The following TOMM40L variants were observed in gnomAD, a reference collection of about 807,000 sequenced individuals.
TOMM40L encodes the protein mitochondrial import receptor subunit TOM40B.
In TOMM40L, 17 loss-of-function variants were observed where a neutral mutation model predicts 38.3. The observed-to-expected ratio is 0.44, with a 90% CI of 0.30 to 0.67. The LOEUF is 0.67. TOMM40L is among the 30% of genes least tolerant of loss of function. The pLI, the probability that TOMM40L is intolerant of heterozygous loss-of-function variation, is 0.08. For synonymous variants in TOMM40L, 151 were observed against 150.2 expected (o/e 1.01, Z -0.04); for missense variants, 294 against 390.0 (o/e 0.75, Z 2.07).
In TOMM40L at chr1:161,229,892, C is replaced by T; in HGVS notation, c.*797C>T. On this transcript the variant is annotated 3_prime_UTR_variant, in exon 10 of 10. Transcript: ENST00000367988. ...TAGGCCTCATTAATGCTCCGGAGCTCAGCCAGCAGGCCTAGCAACTTCGCA... is the reference window on the plus strand; with the variant it reads ...TAGGCCTCATTAATGCTCCGGAGCTTAGCCAGCAGGCCTAGCAACTTCGCA... 1.2e-6 allele frequency: 2 copies of T among 1,614,166 alleles called. No homozygotes were observed.
At position 161,226,837 on chromosome 1, in the gene TOMM40L, G is replaced by T. The variant is rs762206608; in HGVS notation, c.116-51G>T. On this transcript the variant is annotated intron_variant, in intron 2 of 9. Transcript: ENST00000367988. ...TTGAAAGGGGAGACTATCTTTTGGG[G>T]TAGGGGTTCTTTGTCTGTGCTTATT... is the stretch of plus-strand genomic sequence containing the variant. The T allele has an allele frequency of 3.8e-6, 6 of 1,595,304 alleles. No homozygotes were observed. The Admixed American group carries it at 8.5e-5, about 22-fold the overall frequency.
At position 161,229,964 on chromosome 1, in the gene TOMM40L, G is replaced by C. The variant is rs756185699; in HGVS notation, c.*869G>C. On this transcript the variant is annotated 3_prime_UTR_variant, in exon 10 of 10. Transcript: ENST00000367988. ...TAGTGGGGTTGCCAGGAAAACAGGA[G>C]GGAAATAAGGCAGTTGGGAGTCTTG... 1 of 1,612,808 alleles carries C rather than the reference G, an allele frequency of 6.2e-7. No individual in the cohort carries two copies. The highest frequency in any genetic ancestry group is 8.5e-7 in the Non-Finnish European group (1 of 1,179,348).
At chr1:161,228,860 G>A (rs1363016925) in intron 9 of TOMM40L, 43 bp downstream of exon 9, 1 of 1,613,586 alleles carries the variant, frequency 6.2e-7, no homozygotes, top group East Asian at 2.2e-5. Flanking sequence ...GAGGAATGGG[G>A]GATGCAGAGG....
intron 4 of TOMM40L, 117 bp from the exon 5 acceptor site, chr1:161,227,519 T>G: frequency 1.9e-6 from 2 of 1,033,512 alleles, no homozygotes; most frequent in East Asian, 5.2e-5. Context: ...GAGCCCAGAG[T>G]GTGTCTTTGT....
chr1:161,228,844 T>A (rs1666574356), intron 9 of TOMM40L, 27 bp downstream of exon 9: 2 of 1,613,924 alleles, frequency 1.2e-6, no homozygotes, highest in African/African-American at 1.3e-5. Context: ...GACATTTGGC[T>A]ATCCTGAGGA....
intron 9 of TOMM40L, 34 bp downstream of exon 9, chr1:161,228,851 A>G: frequency 6.2e-7 from 1 of 1,613,994 alleles, no homozygotes; most frequent in Non-Finnish European, 8.5e-7. Flanking sequence ...GGCTATCCTG[A>G]GGAATGGGGG....
intron 2 of TOMM40L, 123 bp downstream of exon 2, chr1:161,226,727 G>T: frequency 7.9e-7 from 1 of 1,270,350 alleles, no homozygotes; most frequent in Non-Finnish European, 1.1e-6. Context: ...GCAGCCTCAG[G>T]GAGGATCAGG....
At chr1:161,226,629 T>C in intron 2 of TOMM40L, 25 bp downstream of exon 2, 1 of 1,606,398 alleles carries the variant, frequency 6.2e-7, no homozygotes, top group Non-Finnish European at 8.5e-7. Context: ...CTTGGGTGTC[T>C]CAGGATGAAG....
chr1:161,226,821 G>A, intron 2 of TOMM40L, 67 bp from the exon 3 acceptor site: 2 of 1,562,482 alleles, frequency 1.3e-6, no homozygotes, highest in Non-Finnish European at 1.8e-6. Flanking sequence ...ATTGAAAGGG[G>A]AGACTATCTT....
chr1:161,226,435 G>A lies in TOMM40L; in HGVS notation c.-55G>A, dbSNP rs189448343. 2.1e-5 allele frequency: 31 copies of A among 1,508,100 alleles called. No homozygotes were observed. The East Asian group carries it at 6.5e-4, about 32-fold the overall frequency. 93.4% of individuals were successfully genotyped at this position (1,508,100 alleles called of 1,614,324 possible). On this transcript the variant is annotated 5_prime_UTR_variant, in exon 2 of 10. Coordinates refer to ENST00000367988, the MANE Select transcript of TOMM40L (RefSeq NM_032174.6). ...GTGGGGCCCGTTGGGGGGTAAAGGGGCAATAGCGTCCTTTCACAGGCTAAC... is the reference window on the plus strand; with the variant it reads ...GTGGGGCCCGTTGGGGGGTAAAGGGACAATAGCGTCCTTTCACAGGCTAAC...
chr1:161,228,511 CCT>C lies in TOMM40L; in HGVS notation c.684+10_684+11del. On this transcript the variant is annotated splice_region_variant and intron_variant, in intron 8 of 9. Transcript: ENST00000367988. ...CCACAGGGCAAATGAACAGGTGAGA[CCT>C]CTGATCTCATTCCCTCCTTGTCAGC... 6.2e-7 allele frequency: 1 copy of C among 1,613,440 alleles called. No homozygotes were observed. The highest frequency in any genetic ancestry group is 1.7e-4 in the Middle Eastern group (1 of 6,060).
rs777436441 is a variant in TOMM40L, at chr1:161,229,784, A to G, written c.*689A>G. Reference sequence around the variant, plus strand: ...GTGTTCCAGGTGAGCTGGGGAAGGAAGTGAGCATGGCCTCAGCTGCAGATC... The same window carrying G: ...GTGTTCCAGGTGAGCTGGGGAAGGAGGTGAGCATGGCCTCAGCTGCAGATC... On this transcript the variant is annotated 3_prime_UTR_variant, in exon 10 of 10. Coordinates refer to ENST00000367988, the MANE Select transcript of TOMM40L (RefSeq NM_032174.6). The G allele has an allele frequency of 1.2e-6, 2 of 1,614,220 alleles. No individual in the cohort carries two copies. The highest frequency in any genetic ancestry group is 3.3e-5 in the Admixed American group (2 of 60,020).
chr1:161,226,734 C>G (rs1035130764), intron 2 of TOMM40L, 130 bp downstream of exon 2: 5 of 1,253,248 alleles, frequency 4.0e-6, no homozygotes, highest in Non-Finnish European at 3.4e-6. Context: ...CAGGGAGGAT[C>G]AGGTGCCCAA....
At chr1:161,226,673 G>A in intron 2 of TOMM40L, 69 bp downstream of exon 2, 1 of 1,489,332 alleles carries the variant, frequency 6.7e-7, no homozygotes, top group African/African-American at 1.4e-5. Flanking sequence ...AATGCCGGAT[G>A]TCCGGCGATG....
chr1:161,228,684 T>A (rs1435713874), intron 8 of TOMM40L, 31 bp from the exon 9 acceptor site: 1 of 1,610,794 alleles, frequency 6.2e-7, no homozygotes, highest in Non-Finnish European at 8.5e-7. Flanking sequence ...CTGATACTGA[T>A]CTCTCTCTCA....
chr1:161,226,088 A>C lies in TOMM40L; in HGVS notation c.-184A>C, dbSNP rs747708126. ...ACTCAAGATGGCTGCCCCCATCAAGATGACCGGGGTGTGCCGGGGGGAAAG... is the reference window on the plus strand; with the variant it reads ...ACTCAAGATGGCTGCCCCCATCAAGCTGACCGGGGTGTGCCGGGGGGAAAG... On this transcript the variant is annotated 5_prime_UTR_variant, in exon 1 of 10. The change abolishes an upstream ATG in the 5' untranslated region. Transcript: ENST00000367988. 4 of 164,394 alleles carry C rather than the reference A, an allele frequency of 2.4e-5. No homozygotes were observed. The highest frequency in any genetic ancestry group is 5.3e-5 in the Non-Finnish European group (4 of 75,638). The allele number at this position is 164,394 out of a possible 1,614,324, so 10.2% of individuals were successfully genotyped here.
intron 8 of TOMM40L, 47 bp downstream of exon 8, chr1:161,228,551 A>T (rs752366819): frequency 6.2e-7 from 1 of 1,607,788 alleles, no homozygotes; most frequent in East Asian, 2.2e-5. Flanking sequence ...GTCAGTCATG[A>T]ACTTCTGTTC....
intron 1 of TOMM40L, 85 bp from the exon 2 acceptor site, chr1:161,226,270 G>T: frequency 1.8e-6 from 1 of 540,566 alleles, no homozygotes; most frequent in Non-Finnish European, 3.3e-6. Context: ...GTGACAAGTG[G>T]GGGTGAGAGA....
At position 161,229,870 on chromosome 1, in the gene TOMM40L, G is replaced by A; in HGVS notation, c.*775G>A. The A allele has an allele frequency of 6.2e-7, 1 of 1,614,178 alleles. No individual in the cohort carries two copies. Among genetic ancestry groups the A allele is most frequent in the South Asian group, 1.1e-5 (1 of 91,082 alleles). On this transcript the variant is annotated 3_prime_UTR_variant, in exon 10 of 10. Coordinates refer to ENST00000367988, the MANE Select transcript of TOMM40L (RefSeq NM_032174.6). ...GATGTGCTGGATTTGGTACCCGTAG[G>A]CCTCATTAATGCTCCGGAGCTCAGC...
Sources: allele counts gnomAD v4.1 joint callset, GRCh38; gene constraint gnomAD v4.1.1; transcripts MANE v1.5; gene names NCBI Gene and HGNC (gene_info 2026-07-23, HGNC 2026-07-21).